Variants in CFAP52 observed in about 807,000 individuals in gnomAD.
CFAP52 encodes the protein cilia and flagella associated protein 52.
Under a neutral mutation model 70.5 loss-of-function variants are expected in CFAP52, and 57 were observed. The observed-to-expected ratio is 0.81, with a 90% confidence interval of 0.65 to 1.01. The LOEUF is 1.01. Ranked by LOEUF, CFAP52 falls within the 50% of genes least tolerant of loss-of-function variation. The pLI is 0.00. For synonymous variants in CFAP52, 267 were observed against 292.5 expected (o/e 0.91, Z 0.89); for missense variants, 785 against 788.5 (o/e 1.00, Z 0.05).
intron 6 of CFAP52, among the ~76,000 whole-genome samples, 164 bp downstream of exon 6, chr17:9,600,347 T>C (rs1203037686): frequency 2.0e-5 from 3 of 152,118 alleles, no homozygotes; most frequent in Non-Finnish European, 4.4e-5. Context: ...GTTCAAGCGA[T>C]TGTCCCACCT....
At chr17:9,604,786 TAAA>T (rs1909415410) in intron 6 of CFAP52, among the ~76,000 whole-genome samples, 1 of 149,918 alleles carries the variant, frequency 6.7e-6, no homozygotes, top group Non-Finnish European at 1.5e-5. Flanking sequence ...AATAAATAAA[TAAA>T]TAAATAAATA....
rs187332485 is a variant in CFAP52, at chr17:9,632,976, C to T, written c.1263C>T (p.Thr421=). Residue 421 remains threonine, a synonymous_variant, in exon 10 of 14, where the codon ACC becomes ACT. Coordinates refer to ENST00000352665, the MANE Select transcript of CFAP52 (RefSeq NM_145054.5). ...VINNAHRIGV[T]AIATTSDCKR... ...ACAATGCTCACAGGATCGGCGTCAC[C>T]GCCATCGCCACCACCAGTGACTGTA... 204 of 1,614,176 alleles carry T rather than the reference C, an allele frequency of 1.3e-4. 4 individuals are homozygous for T. In the South Asian group the frequency reaches 2.0e-3, roughly 16 times the overall value.
At chr17:9,604,539 G>A (rs563435753) in intron 6 of CFAP52, among the ~76,000 whole-genome samples, 8 of 151,714 alleles carry the variant, frequency 5.3e-5, no homozygotes, top group South Asian at 2.1e-4. Flanking sequence ...AGGCTGAGGC[G>A]GGCCGATCAC....
intron 1 of CFAP52, among the ~76,000 whole-genome samples, chr17:9,582,253 G>A (rs1003242325): frequency 6.6e-6 from 1 of 152,136 alleles, no homozygotes; most frequent in African/African-American, 2.4e-5. Context: ...CGATTAGACC[G>A]ATTTACTCTC....
chr17:9,587,226 T>C (rs550787115), intron 3 of CFAP52, among the ~76,000 whole-genome samples: 55 of 152,364 alleles, frequency 3.6e-4, no homozygotes, highest in African/African-American at 1.3e-3. Context: ...TGCGTAGTAG[T>C]CCATGATGTA....
chr17:9,635,526 C>T lies in CFAP52; in HGVS notation c.1442C>T (p.Thr481Ile), dbSNP rs142289033. 6.2e-7 allele frequency: 1 copy of T among 1,614,044 alleles called. No homozygotes were observed. The highest frequency in any genetic ancestry group is 8.5e-7 in the Non-Finnish European group (1 of 1,180,046). Residue 481 changes from threonine to isoleucine, a missense_variant, in exon 11 of 14, where the codon ACC becomes ATC. Physicochemically the swap from Thr to Ile is moderately conservative, Grantham distance 89. Transcript: ENST00000352665. The stretch of plus-strand genomic sequence containing the variant: ...AACGAGGAGTGTGTCACCGCCAGCA[C>T]CGATGGGACTTGTATCATTTGGGAC... ...RNNEECVTAS[T>I]DGTCIIWDLV...
intron 3 of CFAP52, chr17:9,590,138 G>A: frequency 5.0e-6 from 1 of 201,074 alleles, no homozygotes; most frequent in South Asian, 1.1e-4. Context: ...TGATACGTGT[G>A]GTGATCAATC....
chr17:9,631,082 GAGAA>G (rs374814307), intron 9 of CFAP52, among the ~76,000 whole-genome samples: 6 of 49,048 alleles, frequency 1.2e-4, no homozygotes, highest in East Asian at 1.3e-3. Flanking sequence ...AAGAAAGAAA[GAGAA>G]AGAAAGAAAG....
chr17:9,629,816 C>G (rs950850349), intron 9 of CFAP52, among the ~76,000 whole-genome samples: 1 of 151,936 alleles, frequency 6.6e-6, no homozygotes, highest in Non-Finnish European at 1.5e-5. Context: ...TCTTGAACTC[C>G]CGACCTCAGG....
At position 9,626,421 on chromosome 17, in the gene CFAP52, C is replaced by G. The variant is rs58609679; in HGVS notation, c.1026-2251C>G. ...ATTTTTGTATTTTTAGTAGATACAG[C>G]GTTTTGCCATGTTGGCCAGGCTGGT... On this transcript the variant is annotated intron_variant, in intron 8 of 13. Coordinates refer to ENST00000352665, the MANE Select transcript of CFAP52 (RefSeq NM_145054.5). Among the ~76,000 whole-genome samples the G allele has an allele frequency of 3.0e-3, 456 of 152,150 alleles. 5 individuals carry two copies. Among genetic ancestry groups the G allele is most frequent in the Middle Eastern group, 0.01 (3 of 294 alleles).
chr17:9,588,919 C>A (rs1371781697), intron 3 of CFAP52, among the ~76,000 whole-genome samples: 1 of 151,906 alleles, frequency 6.6e-6, no homozygotes, highest in African/African-American at 2.4e-5. Flanking sequence ...CCTGGCCAAC[C>A]TAGTGAAACG....
chr17:9,577,423 G>A (rs1908012367), intron 1 of CFAP52, among the ~76,000 whole-genome samples: 1 of 152,212 alleles, frequency 6.6e-6, no homozygotes, highest in Non-Finnish European at 1.5e-5. Flanking sequence ...CTATTGTTTT[G>A]AAGATTCTGG....
intron 1 of CFAP52, among the ~76,000 whole-genome samples, chr17:9,585,391 G>T (rs752026624): frequency 6.6e-6 from 1 of 152,028 alleles, no homozygotes; most frequent in South Asian, 2.1e-4. Context: ...AGTGTTGGCC[G>T]GGCGCGGTGG....
chr17:9,592,170 AC>A (rs1908793103), intron 3 of CFAP52, among the ~76,000 whole-genome samples: 3 of 151,980 alleles, frequency 2.0e-5, no homozygotes, highest in Admixed American at 6.6e-5. Flanking sequence ...CCAAAAAGAA[AC>A]CCCATACCCA....
chr17:9,579,348 G>A (rs1301534541), intron 1 of CFAP52, among the ~76,000 whole-genome samples: 1 of 152,150 alleles, frequency 6.6e-6, no homozygotes, highest in African/African-American at 2.4e-5. Flanking sequence ...GAGGAAAAGT[G>A]GAGAGTGCAG....
chr17:9,633,544 C>T lies in CFAP52; in HGVS notation c.1320+511C>T, dbSNP rs145237801. 6.8e-3 allele frequency among the ~76,000 whole-genome samples: 1,036 copies of T among 152,162 alleles called. 9 individuals are homozygous for T. Among genetic ancestry groups the T allele is most frequent in the African/African-American group, 0.023 (970 of 41,514 alleles). On this transcript the variant is annotated intron_variant, in intron 10 of 13. Transcript: ENST00000352665. The stretch of plus-strand genomic sequence containing the variant: ...TAAGTACATTTGTACACAGAAAGGA[C>T]GTTTACAATACAGACATGAAAGTGT...
intron 8 of CFAP52, among the ~76,000 whole-genome samples, chr17:9,617,017 G>C (rs930300686): frequency 2.3e-5 from 2 of 87,442 alleles, no homozygotes; most frequent in Non-Finnish European, 4.0e-5. Flanking sequence ...TTGACGAGCT[G>C]AGAGAAGAAG....
chr17:9,638,835 C>A, intron 12 of CFAP52, 124 bp downstream of exon 12: 2 of 861,280 alleles, frequency 2.3e-6, no homozygotes, highest in Non-Finnish European at 3.7e-6. Flanking sequence ...TGTCATCAAT[C>A]AGCCATGCCA....
Position 9,643,058 on chromosome 17 carries a change from A to G in CFAP52, c.1723A>G (p.Asn575Asp). The G allele has an allele frequency of 6.2e-7, 1 of 1,610,078 alleles. No homozygotes were observed. The highest frequency in any genetic ancestry group is 8.5e-7 in the Non-Finnish European group (1 of 1,178,446). Reference sequence around the variant, plus strand: ...CCATCTGGTCAAAGTTTGGGATTATAATGAGGGTGAAGTGACTCACGTTGG... The same window carrying G: ...CCATCTGGTCAAAGTTTGGGATTATGATGAGGGTGAAGTGACTCACGTTGG... Reference protein sequence around the residue: ...NDHLVKVWDYNEGEVTHVGVG... With the variant: ...NDHLVKVWDYDEGEVTHVGVG... The change falls in exon 14 of 14, where the codon AAT becomes GAT. Residue 575 changes from asparagine to aspartate, a missense_variant. By Grantham distance (23) the Asn-to-Asp change is conservative. Transcript: ENST00000352665.
Sources: allele counts gnomAD v4.1 joint callset (sites outside exome capture counted in the v4.1 genomes callset), GRCh38; gene constraint gnomAD v4.1.1; transcripts MANE v1.5; gene names NCBI Gene and HGNC (gene_info 2026-07-23, HGNC 2026-07-21).